LDAH: variants seen among roughly 807,000 people sequenced by gnomAD.
LDAH encodes lipid droplet-associated hydrolase.
LDAH carries 26 observed loss-of-function variants against 29.6 expected under a neutral mutation model. That is an observed-to-expected ratio of 0.88 (90% CI 0.64 to 1.22). The LOEUF (loss-of-function observed/expected upper bound fraction) is 1.22. Among genes scored for constraint, LDAH ranks in the 50% most tolerant of loss-of-function variants. The probability of loss-of-function intolerance (pLI) is 0.00; values close to 1 mark genes in which losing one functional copy is unlikely to be tolerated. For missense variants in LDAH, 344 were observed against 387.3 expected (o/e 0.89, Z 0.94); for synonymous variants, 117 against 133.0 (o/e 0.88, Z 0.83).
rs1669703375 is a variant in LDAH, at chr2:20,774,970, G to C, written c.308C>G (p.Ala103Gly). The C allele has an allele frequency of 6.3e-6, 10 of 1,587,784 alleles. No individual in the cohort carries two copies. The highest frequency in any genetic ancestry group is 8.6e-6 in the Non-Finnish European group (10 of 1,162,302). Residue 103 changes from alanine to glycine, a missense_variant, in exon 4 of 7, where the codon GCT becomes GGT. By Grantham distance (60) the Ala-to-Gly change is moderately conservative. Transcript: ENST00000237822. Reference protein sequence around the residue: ...KILTTSEDSNAQEIKDIYGLN... With the variant: ...KILTTSEDSNGQEIKDIYGLN... ...TCCATAAATGTCCTTAATTTCTTGA[G>C]CGTTTGAATCTAAAAGCAAAAATAT...
chr2:20,784,036 C>T (rs1157983155), intron 3 of LDAH, among the ~76,000 whole-genome samples: 1 of 152,128 alleles, frequency 6.6e-6, no homozygotes, highest in Non-Finnish European at 1.5e-5. Flanking sequence ...TTGTAGACAA[C>T]ATATAGTTGG....
downstream of LDAH, among the ~76,000 whole-genome samples, chr2:20,682,780 AG>A (rs1375973254): frequency 1.3e-5 from 2 of 152,178 alleles, no homozygotes; most frequent in East Asian, 1.9e-4. Flanking sequence ...CGAACTTTGG[AG>A]GACATGTGCA....
At chr2:20,757,194 A>T (rs1353425006) in intron 4 of LDAH, among the ~76,000 whole-genome samples, 1 of 152,210 alleles carries the variant, frequency 6.6e-6, no homozygotes, top group Non-Finnish European at 1.5e-5. Flanking sequence ...TTATTTGCTG[A>T]TTTGCAAGCA....
intron 4 of LDAH, among the ~76,000 whole-genome samples, chr2:20,760,888 G>T (rs981744012): frequency 6.6e-6 from 1 of 152,168 alleles, no homozygotes; most frequent in Non-Finnish European, 1.5e-5. Flanking sequence ...TTACGTGTAG[G>T]AATGAACATT....
chr2:20,712,052 T>C (rs924146437), intron 5 of LDAH, among the ~76,000 whole-genome samples: 1 of 152,208 alleles, frequency 6.6e-6, no homozygotes. Context: ...GCACAGCATT[T>C]GAGCTCTGAG....
intron 1 of LDAH, among the ~76,000 whole-genome samples, chr2:20,802,095 C>T (rs62123879): frequency 0.056 from 8,501 of 151,348 alleles, 316 homozygotes; most frequent in African/African-American, 0.1. Flanking sequence ...TACATATATA[C>T]GTTGCCCAGG....
intron 3 of LDAH, among the ~76,000 whole-genome samples, chr2:20,777,291 T>C (rs377192250): frequency 1.3e-5 from 2 of 152,230 alleles, no homozygotes; most frequent in South Asian, 4.1e-4. Context: ...GCTTTACCTC[T>C]GGGAACTATT....
chr2:20,802,515 G>A (rs372048874), intron 1 of LDAH, among the ~76,000 whole-genome samples: 1 of 152,062 alleles, frequency 6.6e-6, no homozygotes, highest in African/African-American at 2.4e-5. Flanking sequence ...CTCCACCTCT[G>A]CCTCTGCCTT....
chr2:20,705,549 C>G (rs1211502739), intron 5 of LDAH, among the ~76,000 whole-genome samples: 1 of 152,262 alleles, frequency 6.6e-6, no homozygotes, highest in South Asian at 2.1e-4. Flanking sequence ...TTAGACTAAT[C>G]CTCTGTCATT....
chr2:20,744,694 G>A (rs1667449093), intron 4 of LDAH, among the ~76,000 whole-genome samples: 1 of 152,182 alleles, frequency 6.6e-6, no homozygotes, highest in Admixed American at 6.5e-5. Context: ...CCTGCCAGAA[G>A]CACATAGGGA....
At chr2:20,700,167 T>C (rs1228976788) in intron 6 of LDAH, among the ~76,000 whole-genome samples, 1 of 152,268 alleles carries the variant, frequency 6.6e-6, no homozygotes, top group East Asian at 1.9e-4. Context: ...TTTCTTGTAT[T>C]TTCACATCGC....
chr2:20,685,530 A>T lies in LDAH; in HGVS notation c.*1373T>A, dbSNP rs1558370750. Reference sequence around the variant, plus strand: ...GTAGAAGCTATGCCAAAGCACAGTAACTCATTCAGCACTTACCAATAAGTT... The same window carrying T: ...GTAGAAGCTATGCCAAAGCACAGTATCTCATTCAGCACTTACCAATAAGTT... On this transcript the variant is annotated 3_prime_UTR_variant, in exon 7 of 7. Coordinates refer to ENST00000237822, the MANE Select transcript of LDAH (RefSeq NM_021925.4). 2 of 1,549,690 alleles carry T rather than the reference A, an allele frequency of 1.3e-6. No homozygotes were observed. The highest frequency in any genetic ancestry group is 1.7e-6 in the Non-Finnish European group (2 of 1,146,726).
chr2:20,737,713 T>A (rs1045522710), intron 5 of LDAH, among the ~76,000 whole-genome samples: 2 of 152,180 alleles, frequency 1.3e-5, no homozygotes, highest in African/African-American at 2.4e-5. Flanking sequence ...CCAGTAGGCA[T>A]CTGTTCCATA....
intron 6 of LDAH, among the ~76,000 whole-genome samples, chr2:20,697,904 T>C (rs1032345000): frequency 1.3e-5 from 2 of 152,218 alleles, no homozygotes; most frequent in Non-Finnish European, 2.9e-5. Flanking sequence ...AAATGATAAG[T>C]ATTTTTAAAT....
At chr2:20,815,364 A>G (rs1672778257) in intron 1 of LDAH, among the ~76,000 whole-genome samples, 1 of 152,110 alleles carries the variant, frequency 6.6e-6, no homozygotes, top group African/African-American at 2.4e-5. Context: ...TGGCGCTGAA[A>G]AAAATAAAGA....
intron 5 of LDAH, among the ~76,000 whole-genome samples, chr2:20,732,110 T>G (rs1666452765): frequency 6.6e-6 from 1 of 151,952 alleles, no homozygotes; most frequent in Non-Finnish European, 1.5e-5. Flanking sequence ...TTCAAAATAT[T>G]TTTTTTTCCC....
At chr2:20,711,815 GC>G (rs1664785463) in intron 5 of LDAH, among the ~76,000 whole-genome samples, 1 of 152,224 alleles carries the variant, frequency 6.6e-6, no homozygotes, top group African/African-American at 2.4e-5. Flanking sequence ...GACCTGCAAG[GC>G]AGCAGCCCGG....
intron 5 of LDAH, among the ~76,000 whole-genome samples, chr2:20,725,366 A>G (rs552166611): frequency 2.0e-5 from 3 of 152,326 alleles, no homozygotes; most frequent in South Asian, 4.1e-4. Context: ...TATTTAGACA[A>G]GATTTGAAGA....
intron 1 of LDAH, among the ~76,000 whole-genome samples, chr2:20,802,841 T>C (rs1317488416): frequency 6.6e-6 from 1 of 152,230 alleles, no homozygotes; most frequent in African/African-American, 2.4e-5. Context: ...CATTGTCTTA[T>C]CTGGAAAAGT....
Sources: allele counts gnomAD v4.1 joint callset (sites outside exome capture counted in the v4.1 genomes callset), GRCh38; gene constraint gnomAD v4.1.1; transcripts MANE v1.5; gene names NCBI Gene and HGNC (gene_info 2026-07-23, HGNC 2026-07-21).